SORL1: variants seen among roughly 807,000 people sequenced by gnomAD.
SORL1 encodes the protein sortilin-related receptor.
Under a neutral mutation model 273.7 loss-of-function variants are expected in SORL1, and 127 were observed. The ratio of observed to expected loss-of-function variants is 0.46; its 90% confidence interval spans 0.40 to 0.54. SORL1 has a LOEUF of 0.54. SORL1 is among the 20% of genes least tolerant of loss of function. The probability of loss-of-function intolerance (pLI) is 0.00; values close to 1 mark genes in which losing one functional copy is unlikely to be tolerated. For missense variants in SORL1, 2,494 were observed against 2,846.1 expected (o/e 0.88, Z 2.81); for synonymous variants, 1,031 against 1,067.4 (o/e 0.97, Z 0.66).
intron 2 of SORL1, among the ~76,000 whole-genome samples, chr11:121,476,571 G>A (rs897839093): frequency 1.7e-4 from 26 of 152,204 alleles, no homozygotes; most frequent in African/African-American, 6.0e-4. Context: ...ATTAGTCTTT[G>A]TCTGTCTGGT....
intron 25 of SORL1, among the ~76,000 whole-genome samples, chr11:121,579,392 A>G (rs1232114783): frequency 6.6e-6 from 1 of 152,244 alleles, no homozygotes; most frequent in Non-Finnish European, 1.5e-5. Flanking sequence ...AAATAGGTCA[A>G]GGTAGCTGAC....
chr11:121,623,034 CCA>C (rs1360668360), intron 45 of SORL1, among the ~76,000 whole-genome samples: 1 of 152,234 alleles, frequency 6.6e-6, no homozygotes, highest in Non-Finnish European at 1.5e-5. Context: ...AAAATTCTCA[CCA>C]CACACTCTGT....
intron 1 of SORL1, among the ~76,000 whole-genome samples, chr11:121,469,283 G>A (rs531009467): frequency 1.3e-5 from 2 of 152,290 alleles, no homozygotes; most frequent in African/African-American, 2.4e-5. Flanking sequence ...CCCACAGCCT[G>A]GACCAGAGTC....
At chr11:121,575,507 G>A (rs1200132413) in intron 24 of SORL1, among the ~76,000 whole-genome samples, 1 of 152,278 alleles carries the variant, frequency 6.6e-6, no homozygotes, top group African/African-American at 2.4e-5. Context: ...CATGGACACA[G>A]CCTGCTTGAT....
In SORL1 at chr11:121,522,518, G is replaced by A. The variant is rs887131079; in HGVS notation, c.1405-68G>A. Reference sequence around the variant, plus strand: ...CAGCTGCACTCCCCTCACACAGGCCGCAGGGTTTACAGGGAACGCTAGGCA... The same window carrying A: ...CAGCTGCACTCCCCTCACACAGGCCACAGGGTTTACAGGGAACGCTAGGCA... On this transcript the variant is annotated intron_variant, in intron 9 of 47. Transcript: ENST00000260197. 1.6e-5 allele frequency: 19 copies of A among 1,211,392 alleles called. No individual in the cohort carries two copies. The Admixed American group carries it at 1.9e-4, about 12-fold the overall frequency. 75.0% of individuals were successfully genotyped at this position (1,211,392 alleles called of 1,614,324 possible).
At chr11:121,628,720 T>G (rs890172455) in intron 47 of SORL1, 8 of 152,244 alleles carry the variant, frequency 5.3e-5, no homozygotes, top group Admixed American at 1.3e-4. Context: ...GTTACGAGGC[T>G]TCCCCAAACT....
chr11:121,611,335 C>T, intron 39 of SORL1, 177 bp downstream of exon 39: 1 of 508,288 alleles, frequency 2.0e-6, no homozygotes, highest in Non-Finnish European at 3.5e-6. Flanking sequence ...CCATGAAGAA[C>T]AACTTGAGTC....
chr11:121,567,518 G>A (rs1400750980), intron 22 of SORL1, among the ~76,000 whole-genome samples: 1 of 152,182 alleles, frequency 6.6e-6, no homozygotes, highest in Non-Finnish European at 1.5e-5. Flanking sequence ...AAAATAACCA[G>A]TGTGACTCCT....
intron 1 of SORL1, among the ~76,000 whole-genome samples, chr11:121,463,161 A>G (rs549514882): frequency 3.9e-5 from 6 of 152,232 alleles, no homozygotes; most frequent in African/African-American, 1.2e-4. Flanking sequence ...GAACCACCAC[A>G]TTGCCTTAAA....
chr11:121,592,652 T>A (rs933617877), intron 31 of SORL1, among the ~76,000 whole-genome samples: 6 of 152,254 alleles, frequency 3.9e-5, no homozygotes, highest in Non-Finnish European at 5.9e-5. Context: ...ACTTCCTGTT[T>A]GGGAATCATG....
chr11:121,561,343 G>A (rs749297121), intron 21 of SORL1, among the ~76,000 whole-genome samples: 35 of 152,296 alleles, frequency 2.3e-4, no homozygotes, highest in Non-Finnish European at 3.4e-4. Context: ...AGCAGTGCGG[G>A]AGGAGAGAGT....
chr11:121,566,639 C>G, intron 21 of SORL1: 1 of 311,160 alleles, frequency 3.2e-6, no homozygotes. Flanking sequence ...TTCCCTGGCT[C>G]CAGCTCCTTG....
rs531253410 is a variant in SORL1 at position 121,554,276 on chromosome 11, C to CT, written c.2439+170dup. On this transcript the variant is annotated intron_variant, in intron 17 of 47. Transcript: ENST00000260197. The surrounding 1 kb of genome is among the most constrained non-coding windows in gnomAD (Gnocchi z 4.6). ...TCCAGTCTTCTGTGTTAGTATTTTTCTTTCTCTGTCTTCATCTGTTCATAT... is the reference window on the plus strand; with the variant it reads ...TCCAGTCTTCTGTGTTAGTATTTTTCTTTTCTCTGTCTTCATCTGTTCATAT... Among the ~76,000 whole-genome samples, 1 of 152,198 alleles carries CT rather than the reference C, an allele frequency of 6.6e-6. No homozygotes were observed. The highest frequency in any genetic ancestry group is 1.5e-5 in the Non-Finnish European group (1 of 68,022).
At chr11:121,551,051 A>G (rs981262375) in intron 16 of SORL1, among the ~76,000 whole-genome samples, 2 of 152,262 alleles carry the variant, frequency 1.3e-5, no homozygotes, top group Non-Finnish European at 1.5e-5. Flanking sequence ...TAAGTAGTCT[A>G]TGTTAATTTT....
At chr11:121,613,362 G>A (rs117348586) in intron 40 of SORL1, among the ~76,000 whole-genome samples, 2 of 152,170 alleles carry the variant, frequency 1.3e-5, no homozygotes, top group Admixed American at 6.5e-5. Context: ...ATCTAAGCAC[G>A]TGCTAAAGGA....
In SORL1 at chr11:121,461,180, TA is replaced by T. The variant is rs11453033; in HGVS notation, c.285+8578del. ...CCCTGAAATTCTCTCACTGAGTGGT[TA>T]AAAAAAAAAAAAATCTGCAGTTAAC... On this transcript the variant is annotated intron_variant, in intron 1 of 47. Transcript: ENST00000260197. Among the ~76,000 whole-genome samples the T allele has an allele frequency of 9.3e-3, 1,362 of 147,240 alleles. 10 individuals carry two copies. Among genetic ancestry groups the T allele is most frequent in the African/African-American group, 0.026 (1,041 of 40,050 alleles).
In SORL1 at chr11:121,612,813, A is replaced by G. The variant is rs1004778426; in HGVS notation, c.5400A>G (p.Gly1800=). 21 of 1,613,542 alleles carry G rather than the reference A, an allele frequency of 1.3e-5. No individual in the cohort carries two copies. The African/African-American group carries it at 1.5e-4, about 11-fold the overall frequency. The part of the protein sequence containing the change: ...KQERRTLNFR[G]SILSHKVGNL... ...AGAGGAGAACTTTGAACTTCCGAGG[A>G]AGCATATTGTCACACAAAGGTAACA... The change falls in exon 40 of 48, where the codon GGA becomes GGG. Residue 1800 remains glycine, a synonymous_variant. Coordinates refer to ENST00000260197, the MANE Select transcript of SORL1 (RefSeq NM_003105.6).
chr11:121,460,152 C>T (rs544494978), intron 1 of SORL1, among the ~76,000 whole-genome samples: 155 of 152,236 alleles, frequency 1.0e-3, no homozygotes, highest in African/African-American at 3.5e-3. Context: ...TTATCTCCCC[C>T]CCTTTCTGGG....
At chr11:121,505,348 G>A (rs1209880957) in intron 6 of SORL1, among the ~76,000 whole-genome samples, 1 of 151,582 alleles carries the variant, frequency 6.6e-6, no homozygotes, top group Non-Finnish European at 1.5e-5. Flanking sequence ...TTCTTGGTAA[G>A]TCTAGCTTGT....
Sources: allele counts gnomAD v4.1 joint callset (sites outside exome capture counted in the v4.1 genomes callset), GRCh38; gene constraint gnomAD v4.1.1; non-coding constraint Gnocchi (gnomAD v3.1); transcripts MANE v1.5; gene names NCBI Gene and HGNC (gene_info 2026-07-23, HGNC 2026-07-21).